Variants in CDH6 observed in about 807,000 individuals in gnomAD.
CDH6 encodes cadherin 6.
In CDH6, 31 loss-of-function variants were observed where a neutral mutation model predicts 78.0. The ratio of observed to expected loss-of-function variants is 0.40; its 90% CI spans 0.30 to 0.54. The LOEUF (loss-of-function observed/expected upper bound fraction) is 0.54. CDH6 is among the 20% of genes least tolerant of loss of function. The probability of loss-of-function intolerance (pLI) is 0.56; values close to 1 mark genes in which losing one functional copy is unlikely to be tolerated. For missense variants in CDH6, 724 were observed against 975.9 expected (o/e 0.74, Z 3.44); for synonymous variants, 376 against 368.8 (o/e 1.02, Z -0.23).
chr5:31,216,986 T>C (rs1440264300), intron 1 of CDH6, among the ~76,000 whole-genome samples: 2 of 152,160 alleles, frequency 1.3e-5, no homozygotes, highest in South Asian at 2.1e-4. Context: ...TCCTTCTCCC[T>C]GGGTGCTGTT....
intron 1 of CDH6, among the ~76,000 whole-genome samples, chr5:31,239,951 T>C (rs1741554613): frequency 6.6e-6 from 1 of 152,176 alleles, no homozygotes; most frequent in East Asian, 1.9e-4. Context: ...GATAAATGAA[T>C]AGGATTTTAC....
intron 1 of CDH6, among the ~76,000 whole-genome samples, chr5:31,199,486 ATG>A (rs1416152797): frequency 1.8e-4 from 23 of 129,418 alleles, no homozygotes; most frequent in African/African-American, 6.1e-4. Context: ...ATGTGTATAT[ATG>A]TACACACACA....
At chr5:31,242,709 G>GGT (rs1554005347) in intron 1 of CDH6, among the ~76,000 whole-genome samples, 1 of 150,216 alleles carries the variant, frequency 6.7e-6, no homozygotes, top group Non-Finnish European at 1.5e-5. Flanking sequence ...AATGGGGGGG[G>GGT]GCGGTTAGAA....
Position 31,299,454 on chromosome 5 carries a change from A to ACATC in CDH6, c.644-7_644-4dup, listed in dbSNP as rs1331963249. 6.2e-7 allele frequency: 1 copy of ACATC among 1,604,666 alleles called. No individual in the cohort carries two copies. Among genetic ancestry groups the ACATC allele is most frequent in the African/African-American group, 1.3e-5 (1 of 74,718 alleles). ...GCATCCCTTTGCACTCTTAAATTTC[A>ACATC]CATCCACAGGTATTATCAAGACAGC... On this transcript the variant is annotated splice_polypyrimidine_tract_variant and intron_variant, in intron 4 of 11. Coordinates refer to ENST00000265071, the MANE Select transcript of CDH6 (RefSeq NM_004932.4).
intron 6 of CDH6, among the ~76,000 whole-genome samples, chr5:31,302,944 AAAGAAAGAAAGAAGGAAAGAAAAG>A (rs1184781596): frequency 1.8e-3 from 234 of 131,742 alleles, no homozygotes; most frequent in Admixed American, 3.1e-3. Flanking sequence ...AGAAAGAAAG[AAAGAAAGAAAGAAGGAAAGAAAAG>A]AAAGAAAGAA....
At chr5:31,304,838 A>T (rs2149953696) in intron 6 of CDH6, among the ~76,000 whole-genome samples, 1 of 152,182 alleles carries the variant, frequency 6.6e-6, no homozygotes, top group Non-Finnish European at 1.5e-5. Flanking sequence ...TCCTGCTTCC[A>T]AGTGCCCTTC....
At chr5:31,301,480 T>C (rs1463790275) in intron 5 of CDH6, among the ~76,000 whole-genome samples, 1 of 152,176 alleles carries the variant, frequency 6.6e-6, no homozygotes, top group Non-Finnish European at 1.5e-5. Flanking sequence ...AGGTTTCAAA[T>C]TAGAATTACA....
At chr5:31,226,111 G>A (rs773070443) in intron 1 of CDH6, among the ~76,000 whole-genome samples, 21 of 152,240 alleles carry the variant, frequency 1.4e-4, no homozygotes, top group Admixed American at 3.9e-4. Context: ...TGGGTAGGAG[G>A]TTTGAGAAGA....
chr5:31,315,714 C>A (rs1216467370), intron 8 of CDH6, among the ~76,000 whole-genome samples: 1 of 152,176 alleles, frequency 6.6e-6, no homozygotes, highest in Non-Finnish European at 1.5e-5. Context: ...GGGGGCAGTA[C>A]CTCTGTCTAC....
intron 1 of CDH6, among the ~76,000 whole-genome samples, chr5:31,240,019 T>C (rs1339155923): frequency 1.3e-5 from 2 of 152,190 alleles, no homozygotes; most frequent in African/African-American, 4.8e-5. Flanking sequence ...AAAGGGGAAA[T>C]GAATTGGACC....
rs1050311732 is a variant in CDH6 at position 31,244,525 on chromosome 5, G to C, written c.-128-22821G>C. On this transcript the variant is annotated intron_variant, in intron 1 of 11. Transcript: ENST00000265071. ...AGTTGGGAGGCTCATGCTGGAGAGAGGGAAAGCAGACAAGAACTGGGGACT... is the reference window on the plus strand; with the variant it reads ...AGTTGGGAGGCTCATGCTGGAGAGACGGAAAGCAGACAAGAACTGGGGACT... 1.3e-4 allele frequency among the ~76,000 whole-genome samples: 19 copies of C among 151,992 alleles called. 1 individual carries two copies.
intron 1 of CDH6, among the ~76,000 whole-genome samples, chr5:31,216,683 CAAAA>C (rs70953498): frequency 7.5e-6 from 1 of 132,650 alleles, no homozygotes; most frequent in Non-Finnish European, 1.6e-5. Flanking sequence ...GCCCTGCCAC[CAAAA>C]AAAAAAAAAA....
chr5:31,262,204 G>C (rs1334218255), intron 1 of CDH6, among the ~76,000 whole-genome samples: 1 of 152,176 alleles, frequency 6.6e-6, no homozygotes, highest in Non-Finnish European at 1.5e-5. Context: ...ATCTGGACTT[G>C]ACCATGCACT....
chr5:31,260,278 A>G (rs1189023641), intron 1 of CDH6, among the ~76,000 whole-genome samples: 1 of 152,172 alleles, frequency 6.6e-6, no homozygotes, highest in African/African-American at 2.4e-5. Context: ...TGAGACACAA[A>G]TTGGTCCCCT....
chr5:31,288,799 A>G (rs971621315), intron 2 of CDH6, among the ~76,000 whole-genome samples: 2 of 152,240 alleles, frequency 1.3e-5, no homozygotes, highest in African/African-American at 4.8e-5. Context: ...AAAGAGCAAC[A>G]TTACATTTGC....
chr5:31,307,811 A>G (rs917851484), intron 7 of CDH6, among the ~76,000 whole-genome samples: 8 of 152,198 alleles, frequency 5.3e-5, no homozygotes, highest in African/African-American at 1.9e-4. Flanking sequence ...TTCAGGCAAT[A>G]TATTTCCATA....
At chr5:31,243,816 C>T (rs558853753) in intron 1 of CDH6, among the ~76,000 whole-genome samples, 2 of 152,196 alleles carry the variant, frequency 1.3e-5, no homozygotes, top group Non-Finnish European at 2.9e-5. Context: ...TCTATCTACT[C>T]TCTGCTCAAC....
intron 1 of CDH6, among the ~76,000 whole-genome samples, chr5:31,247,119 T>A (rs1381072042): frequency 6.6e-6 from 1 of 152,160 alleles, no homozygotes; most frequent in African/African-American, 2.4e-5. Flanking sequence ...ACTCAGGACA[T>A]CTCTGCAGAA....
At chr5:31,212,849 G>C (rs1038940723) in intron 1 of CDH6, among the ~76,000 whole-genome samples, 1 of 151,928 alleles carries the variant, frequency 6.6e-6, no homozygotes, top group Non-Finnish European at 1.5e-5. Context: ...TAGAAATCAA[G>C]GCTACCAGCT....
Sources: gnomAD v4.1 joint callset for allele counts (sites outside exome capture counted in the v4.1 genomes callset) on GRCh38, gnomAD v4.1.1 for gene constraint, MANE v1.5 for transcripts, NCBI Gene and HGNC (gene_info 2026-07-23, HGNC 2026-07-21) for gene names.